The following TENM3 variants were observed in gnomAD, a reference collection of about 807,000 sequenced individuals.
TENM3 encodes teneurin transmembrane protein 3, also known as teneurin-3.
TENM3 carries 63 observed loss-of-function variants against 255.1 expected under a neutral mutation model. That is an observed-to-expected ratio of 0.25 (90% CI 0.20 to 0.30). TENM3 has a LOEUF of 0.30. Among genes scored for constraint, TENM3 ranks in the 10% least tolerant of loss-of-function variants. TENM3 has a pLI of 1.00. For synonymous variants in TENM3, 1,306 were observed against 1,322.3 expected (o/e 0.99, Z 0.27); for missense variants, 2,929 against 3,461.1 (o/e 0.85, Z 3.86).
chr4:181,970,134 A>C, the TENM3 span, among the ~76,000 whole-genome samples: 1 of 152,248 alleles, frequency 6.6e-6, no homozygotes, highest in East Asian at 1.9e-4. Context: ...TGTAAAAGCT[A>C]AATAGTATTC....
At position 182,581,395 on chromosome 4, in the gene TENM3, A is replaced by G. The variant is rs1349117393; in HGVS notation, c.512-19529A>G. Among the ~76,000 whole-genome samples, 3 of 152,194 alleles carry G rather than the reference A, an allele frequency of 2.0e-5. No homozygotes were observed. The East Asian group carries it at 5.8e-4, about 29-fold the overall frequency. ...ATCAAAGCTGAGCCTATGGGACTGT[A>G]CTTTGTAGTACTGTTTAATTTAATA... is the stretch of plus-strand genomic sequence containing the variant. On this transcript the variant is annotated intron_variant, in intron 3 of 27. Coordinates refer to ENST00000511685, the MANE Select transcript of TENM3 (RefSeq NM_001080477.4).
the TENM3 span, among the ~76,000 whole-genome samples, chr4:181,941,768 T>C: frequency 1.3e-5 from 2 of 152,324 alleles, no homozygotes; most frequent in South Asian, 4.1e-4. Flanking sequence ...GCCTGGGTTA[T>C]GGACATGATT....
the TENM3 span, among the ~76,000 whole-genome samples, chr4:181,570,270 C>T: frequency 0.011 from 1,671 of 152,102 alleles, 9 homozygotes; most frequent in South Asian, 0.046. Flanking sequence ...TGGTCTCGAT[C>T]TCCTGACCTC....
the TENM3 span, among the ~76,000 whole-genome samples, chr4:181,731,640 C>T: frequency 6.6e-6 from 1 of 152,264 alleles, no homozygotes; most frequent in South Asian, 2.1e-4. Flanking sequence ...TAAATGCCTA[C>T]TCTGTTCAAG....
the TENM3 span, among the ~76,000 whole-genome samples, chr4:182,052,921 G>A: frequency 1.4e-4 from 22 of 152,184 alleles, no homozygotes; most frequent in South Asian, 6.2e-4. Context: ...ATTTCATTGC[G>A]TTTTAGGCCT....
At chr4:182,009,349 CAG>C in the TENM3 span, among the ~76,000 whole-genome samples, 1 of 152,112 alleles carries the variant, frequency 6.6e-6, no homozygotes, top group Non-Finnish European at 1.5e-5. Flanking sequence ...TCCTGGTATG[CAG>C]AGACTGCTGC....
At chr4:182,743,113 C>T (rs1242257140) in intron 18 of TENM3, 57 bp from the exon 19 acceptor site, 1 of 1,520,300 alleles carries the variant, frequency 6.6e-7, no homozygotes, top group African/African-American at 1.4e-5. Context: ...AACATGTTTG[C>T]TTTTCATCTT....
chr4:182,347,992 C>A (rs1764939046), intron 3 of TENM3, among the ~76,000 whole-genome samples: 1 of 152,146 alleles, frequency 6.6e-6, no homozygotes. Flanking sequence ...GAAAGCGGAT[C>A]TATTGTTAGC....
intron 4 of TENM3, among the ~76,000 whole-genome samples, chr4:182,625,861 TC>T (rs1350436165): frequency 1.8e-4 from 28 of 152,204 alleles, no homozygotes; most frequent in African/African-American, 6.3e-4. Flanking sequence ...TCATGTATAA[TC>T]CTGAAAAGAG....
the TENM3 span, among the ~76,000 whole-genome samples, chr4:181,662,212 G>A: frequency 6.6e-6 from 1 of 152,172 alleles, no homozygotes; most frequent in South Asian, 2.1e-4. Context: ...GCTGATATGT[G>A]AATAATTGTA....
chr4:182,720,970 AT>A (rs1281609203), intron 13 of TENM3, among the ~76,000 whole-genome samples: 1 of 151,714 alleles, frequency 6.6e-6, no homozygotes, highest in African/African-American at 2.4e-5. Context: ...ATTTCACCAC[AT>A]TGGCCAAGCT....
chr4:181,786,319 C>A, the TENM3 span, among the ~76,000 whole-genome samples: 119 of 152,298 alleles, frequency 7.8e-4, no homozygotes, highest in Middle Eastern at 3.4e-3. Context: ...AAGGCAGATT[C>A]ATAGGAGATA....
intron 3 of TENM3, among the ~76,000 whole-genome samples, chr4:182,598,091 G>A (rs1747449708): frequency 6.6e-6 from 1 of 152,154 alleles, no homozygotes; most frequent in South Asian, 2.1e-4. Context: ...AGGTGGGATT[G>A]ATTTTCTTGA....
At chr4:182,453,466 CACTT>C (rs1286763840) in intron 3 of TENM3, among the ~76,000 whole-genome samples, 10 of 152,138 alleles carry the variant, frequency 6.6e-5, no homozygotes, top group Admixed American at 5.9e-4. Context: ...TCATTCCCCT[CACTT>C]AATATTAAAT....
chr4:181,909,933 AT>A, the TENM3 span, among the ~76,000 whole-genome samples: 2 of 152,190 alleles, frequency 1.3e-5, no homozygotes, highest in Non-Finnish European at 2.9e-5. Flanking sequence ...ATTTTGTAGA[AT>A]TTTTTACATT....
the TENM3 span, among the ~76,000 whole-genome samples, chr4:181,501,023 C>T: frequency 1.3e-5 from 2 of 152,194 alleles, no homozygotes; most frequent in Admixed American, 6.5e-5. Flanking sequence ...CGCTAATGAC[C>T]GGACAGTCCA....
chr4:182,170,252 A>G (rs967499922), intron 1 of TENM3, among the ~76,000 whole-genome samples: 1 of 152,126 alleles, frequency 6.6e-6, no homozygotes, highest in African/African-American at 2.4e-5. Context: ...TGTCACAAAT[A>G]GAATGTACCT....
chr4:182,303,739 AGG>A (rs1161070616), intron 1 of TENM3, among the ~76,000 whole-genome samples: 4 of 152,202 alleles, frequency 2.6e-5, no homozygotes, highest in Non-Finnish European at 4.4e-5. Flanking sequence ...CAATGAGATA[AGG>A]CATGTAAAGT....
chr4:181,984,826 G>A, the TENM3 span, among the ~76,000 whole-genome samples: 7 of 127,852 alleles, frequency 5.5e-5, no homozygotes, highest in East Asian at 1.2e-3. Context: ...GTGTGTGTGT[G>A]TGTGTGTGCC....
Sources: allele counts gnomAD v4.1 joint callset (sites outside exome capture counted in the v4.1 genomes callset), GRCh38; gene constraint gnomAD v4.1.1; transcripts MANE v1.5; gene names NCBI Gene and HGNC (gene_info 2026-07-23, HGNC 2026-07-21).